Variants in TENM1 observed in about 807,000 individuals in gnomAD.
TENM1 encodes teneurin transmembrane protein 1.
In TENM1, 35 loss-of-function variants were observed where a neutral mutation model predicts 174.8. The observed-to-expected ratio is 0.20, with a 90% CI of 0.15 to 0.27. TENM1 has a LOEUF of 0.27. TENM1 is among the 10% of genes least tolerant of loss of function. TENM1 has a pLI of 1.00. For missense variants in TENM1, 1,633 were observed against 2,130.1 expected (o/e 0.77, Z 4.59); for synonymous variants, 781 against 798.7 (o/e 0.98, Z 0.37).
intron 3 of TENM1, among the ~76,000 whole-genome samples, chrX:124,828,798 A>C (rs2056225024): frequency 8.9e-6 from 1 of 112,144 alleles, no homozygotes; most frequent in Non-Finnish European, 1.9e-5. Context: ...ACTTCCAGCT[A>C]AACACAAGAA....
chrX:124,524,352 G>A (rs954685590), intron 16 of TENM1, among the ~76,000 whole-genome samples: 3 of 112,174 alleles, frequency 2.7e-5, no homozygotes, highest in Non-Finnish European at 3.8e-5. Context: ...ATCCTATAAT[G>A]TAACATAAGA....
the TENM1 span, among the ~76,000 whole-genome samples, chrX:125,024,787 CAGTT>C: frequency 8.9e-6 from 1 of 111,875 alleles, no homozygotes; most frequent in Non-Finnish European, 1.9e-5. Flanking sequence ...TAGAATAATG[CAGTT>C]AGTTAGCTTT....
At chrX:124,739,639 C>T (rs2053756562) in intron 3 of TENM1, among the ~76,000 whole-genome samples, 1 of 112,352 alleles carries the variant, frequency 8.9e-6, no homozygotes, top group South Asian at 3.7e-4. Flanking sequence ...AAACATGACT[C>T]TCTTCTATGA....
the TENM1 span, among the ~76,000 whole-genome samples, chrX:125,010,026 T>C: frequency 9.8e-4 from 109 of 111,678 alleles, no homozygotes; most frequent in Non-Finnish European, 1.5e-3. Context: ...ATGGAAGTTC[T>C]GGCTAGGGCA....
intron 11 of TENM1, among the ~76,000 whole-genome samples, chrX:124,588,882 C>G (rs1569328113): frequency 9.1e-6 from 1 of 109,975 alleles, no homozygotes; most frequent in Non-Finnish European, 1.9e-5. Flanking sequence ...TATTTGGATG[C>G]CTTTTATTTC....
chrX:124,596,071 T>C (rs752290744), intron 11 of TENM1, among the ~76,000 whole-genome samples: 1 of 112,268 alleles, frequency 8.9e-6, no homozygotes, highest in Non-Finnish European at 1.9e-5. Flanking sequence ...CTTCCTGCTG[T>C]GTCCAGGAAA....
chrX:125,013,105 A>C, the TENM1 span, among the ~76,000 whole-genome samples: 1 of 111,658 alleles, frequency 9.0e-6, no homozygotes, highest in Non-Finnish European at 1.9e-5. Flanking sequence ...GCTGAGGAAG[A>C]AGCTTTATGA....
chrX:124,736,032 C>T (rs1476287830), intron 4 of TENM1, among the ~76,000 whole-genome samples: 1 of 111,080 alleles, frequency 9.0e-6, no homozygotes, highest in African/African-American at 3.3e-5. Context: ...CTCACCACTG[C>T]ACAATATATC....
At chrX:124,451,396 C>T (rs2061034895) in intron 23 of TENM1, among the ~76,000 whole-genome samples, 1 of 111,727 alleles carries the variant, frequency 9.0e-6, no homozygotes, top group Admixed American at 9.5e-5. Flanking sequence ...TATTTATATA[C>T]ATGTGAATAA....
intron 3 of TENM1, among the ~76,000 whole-genome samples, chrX:124,737,697 C>G (rs761880651): frequency 8.9e-5 from 10 of 112,305 alleles, no homozygotes; most frequent in Admixed American, 1.9e-4. Flanking sequence ...GGGAGCAAAT[C>G]CATATTTTAG....
the TENM1 span, among the ~76,000 whole-genome samples, chrX:125,180,258 G>A: frequency 3.6e-5 from 3 of 83,183 alleles, no homozygotes; most frequent in Non-Finnish European, 6.9e-5. Context: ...TAGTAGAGAC[G>A]GAGTTTCACC....
intron 11 of TENM1, among the ~76,000 whole-genome samples, chrX:124,603,894 A>C (rs1417517622): frequency 9.0e-6 from 1 of 111,399 alleles, no homozygotes; most frequent in Non-Finnish European, 1.9e-5. Context: ...TTAAGTAGGG[A>C]TGTTGTTTTA....
At chrX:124,810,354 T>C (rs929592397) in intron 3 of TENM1, among the ~76,000 whole-genome samples, 1 of 111,913 alleles carries the variant, frequency 8.9e-6, no homozygotes. Context: ...AATAAAGGAA[T>C]TCAGTAAAGT....
At chrX:124,638,130 T>C (rs2050924040) in intron 11 of TENM1, among the ~76,000 whole-genome samples, 1 of 110,544 alleles carries the variant, frequency 9.0e-6, no homozygotes, top group African/African-American at 3.3e-5. Context: ...TTGTTTGGGG[T>C]GAGAAAGGAG....
At chrX:124,916,816 A>C (rs1603275258) in intron 1 of TENM1, among the ~76,000 whole-genome samples, 1 of 102,410 alleles carries the variant, frequency 9.8e-6, no homozygotes, top group African/African-American at 3.6e-5. Flanking sequence ...CTACCTTTCC[A>C]CTCCTCATCT....
chrX:125,122,849 AC>A, the TENM1 span, among the ~76,000 whole-genome samples: 1 of 28,943 alleles, frequency 3.5e-5, no homozygotes, highest in Non-Finnish European at 1.2e-4. Flanking sequence ...TAATTAAAAA[AC>A]AGTCATTTCT....
chrX:125,204,130 CGT>C, the TENM1 span: 5 of 111,687 alleles, frequency 4.5e-5, no homozygotes, highest in Non-Finnish European at 7.5e-5. Flanking sequence ...AGTGTGAATA[CGT>C]GTGTGTGTGT....
At chrX:124,690,394 G>A (rs1366708051) in intron 5 of TENM1, among the ~76,000 whole-genome samples, 1 of 111,246 alleles carries the variant, frequency 9.0e-6, no homozygotes, top group Non-Finnish European at 1.9e-5. Context: ...TACTACTGAG[G>A]TGTTATTGCT....
chrX:125,018,677 A>C, the TENM1 span, among the ~76,000 whole-genome samples: 1 of 111,586 alleles, frequency 9.0e-6, no homozygotes, highest in African/African-American at 3.2e-5. Flanking sequence ...CAGTCTTTGA[A>C]GTTTGTACCT....
Sources: gnomAD v4.1 joint callset for allele counts (sites outside exome capture counted in the v4.1 genomes callset) on GRCh38, gnomAD v4.1.1 for gene constraint, MANE v1.5 for transcripts, NCBI Gene and HGNC (gene_info 2026-07-23, HGNC 2026-07-21) for gene names.